The following SEMA3D variants were observed in gnomAD, a reference collection of about 807,000 sequenced individuals.
The protein encoded by SEMA3D is semaphorin-3D.
SEMA3D carries 84 observed loss-of-function variants against 100.1 expected under a neutral mutation model. That is an observed-to-expected ratio of 0.84 (90% CI 0.70 to 1.01). SEMA3D has a LOEUF of 1.01. Ranked by LOEUF, SEMA3D falls within the 50% of genes least tolerant of loss-of-function variation. SEMA3D has a pLI of 0.00. For missense variants in SEMA3D, 875 were observed against 934.1 expected (o/e 0.94, Z 0.82); for synonymous variants, 312 against 320.7 (o/e 0.97, Z 0.29).
chr7:85,014,877 A>T (rs916073764), intron 16 of SEMA3D, among the ~76,000 whole-genome samples, 182 bp downstream of exon 16: 1 of 151,824 alleles, frequency 6.6e-6, no homozygotes, highest in Non-Finnish European at 1.5e-5. Context: ...CATCTGTTTT[A>T]CCCTCCTTCA....
chr7:85,066,913 C>CATACACACACAG, intron 7 of SEMA3D, among the ~76,000 whole-genome samples: 4 of 127,760 alleles, frequency 3.1e-5, no homozygotes, highest in African/African-American at 6.3e-5. Context: ...CACACACACA[C>CATACACACACAG]AGAGAGAGAG....
chr7:84,999,895 A>C (rs1255440024), intron 18 of SEMA3D, 30 bp from the exon 19 acceptor site: 2 of 1,586,952 alleles, frequency 1.3e-6, no homozygotes, highest in Non-Finnish European at 1.7e-6. Context: ...TAGGTAATAA[A>C]TTAAACACAG....
chr7:85,084,019 T>C (rs1382524806), intron 4 of SEMA3D, among the ~76,000 whole-genome samples: 7 of 140,492 alleles, frequency 5.0e-5, no homozygotes, highest in Non-Finnish European at 1.1e-4. Flanking sequence ...TGGTGGCAGG[T>C]GCCTGTGGTC....
At chr7:85,035,621 G>C (rs192863120) in intron 12 of SEMA3D, among the ~76,000 whole-genome samples, 2 of 152,040 alleles carry the variant, frequency 1.3e-5, no homozygotes, top group African/African-American at 4.8e-5. Flanking sequence ...TGCACACAAA[G>C]TTTCTGTTAG....
At chr7:85,040,248 G>A (rs1162973442) in intron 11 of SEMA3D, among the ~76,000 whole-genome samples, 1 of 151,962 alleles carries the variant, frequency 6.6e-6, no homozygotes, top group Admixed American at 6.6e-5. Context: ...AAAGTGCTGG[G>A]ATTATAGGAG....
the SEMA3D span, among the ~76,000 whole-genome samples, chr7:85,209,910 A>T: frequency 2.6e-5 from 4 of 152,052 alleles, no homozygotes; most frequent in African/African-American, 4.8e-5. Context: ...GTTATTATTA[A>T]ACCTTGAAAA....
the SEMA3D span, among the ~76,000 whole-genome samples, chr7:85,192,773 A>G: frequency 6.6e-6 from 1 of 152,200 alleles, no homozygotes; most frequent in Admixed American, 6.5e-5. Flanking sequence ...TTGTGTCATC[A>G]TAATACCATT....
chr7:85,005,888 A>AT (rs1366805744), intron 18 of SEMA3D, among the ~76,000 whole-genome samples: 2 of 152,036 alleles, frequency 1.3e-5, no homozygotes, highest in African/African-American at 4.8e-5. Flanking sequence ...GTTTGACTTA[A>AT]TTACATGTAC....
chr7:85,064,810 A>T, intron 8 of SEMA3D, among the ~76,000 whole-genome samples: 1 of 152,226 alleles, frequency 6.6e-6, no homozygotes, highest in East Asian at 1.9e-4. Context: ...TAATATTCTT[A>T]TGTTTTTTAA....
chr7:85,028,384 CAAAAAAAA>C, intron 12 of SEMA3D: 29 of 181,654 alleles, frequency 1.6e-4, no homozygotes, highest in South Asian at 2.2e-4. Context: ...ACAGTTTAGA[CAAAAAAAA>C]AAAAAAAAAA....
chr7:85,101,589 G>A (rs1440901863), intron 3 of SEMA3D, among the ~76,000 whole-genome samples: 3 of 151,930 alleles, frequency 2.0e-5, no homozygotes, highest in Admixed American at 2.0e-4. Flanking sequence ...AGGAATAAAC[G>A]AGTTAATGCA....
chr7:85,110,303 G>A (rs2116362495), intron 3 of SEMA3D, among the ~76,000 whole-genome samples: 1 of 152,032 alleles, frequency 6.6e-6, no homozygotes, highest in Non-Finnish European at 1.5e-5. Flanking sequence ...GTTGCATACA[G>A]GTAAGTTGTA....
chr7:85,216,358 TG>T, the SEMA3D span, among the ~76,000 whole-genome samples: 3 of 16,088 alleles, frequency 1.9e-4, no homozygotes, highest in Admixed American at 5.5e-4. Flanking sequence ...ATAAGAGTGT[TG>T]TGTGTGTGTG....
chr7:85,222,878 G>C, the SEMA3D span, among the ~76,000 whole-genome samples: 1 of 151,984 alleles, frequency 6.6e-6, no homozygotes, highest in Non-Finnish European at 1.5e-5. Flanking sequence ...ACACAGAGTG[G>C]GAGAAAATTT....
chr7:85,000,425 C>T (rs1227950878), intron 18 of SEMA3D, among the ~76,000 whole-genome samples: 1 of 152,114 alleles, frequency 6.6e-6, no homozygotes, highest in Non-Finnish European at 1.5e-5. Context: ...CATATGAAAG[C>T]CATAAATGAT....
At chr7:85,173,489 C>G (rs976353602) in intron 1 of SEMA3D, among the ~76,000 whole-genome samples, 9 of 152,096 alleles carry the variant, frequency 5.9e-5, no homozygotes, top group African/African-American at 2.2e-4. Flanking sequence ...ATACTCAATT[C>G]TAAAACACCA....
At chr7:85,202,565 T>C in the SEMA3D span, among the ~76,000 whole-genome samples, 5 of 151,856 alleles carry the variant, frequency 3.3e-5, no homozygotes, top group Non-Finnish European at 7.4e-5. Context: ...ACCTACAAAA[T>C]GGGAGAAAAT....
chr7:85,138,455 A>T (rs1789927530), intron 2 of SEMA3D, among the ~76,000 whole-genome samples: 1 of 151,504 alleles, frequency 6.6e-6, no homozygotes, highest in Non-Finnish European at 1.5e-5. Context: ...TGCCTGGCTA[A>T]TTTTTGTGTA....
intron 13 of SEMA3D, 35 bp from the exon 14 acceptor site, chr7:85,020,356 C>G: frequency 6.6e-7 from 1 of 1,513,914 alleles, no homozygotes; most frequent in East Asian, 2.3e-5. Flanking sequence ...CCCATTGTTT[C>G]TATCTCAAAA....
Sources: gnomAD v4.1 joint callset for allele counts (sites outside exome capture counted in the v4.1 genomes callset) on GRCh38, gnomAD v4.1.1 for gene constraint, MANE v1.5 for transcripts, NCBI Gene and HGNC (gene_info 2026-07-23, HGNC 2026-07-21) for gene names.